The following ANXA7 variants were observed in gnomAD, a reference collection of about 807,000 sequenced individuals.
The protein encoded by ANXA7 is annexin A7, also known as annexin VII.
A neutral mutation model predicts 64.9 loss-of-function variants in ANXA7; 55 were observed. That is an observed-to-expected ratio of 0.85 (90% CI 0.68 to 1.06). The LOEUF is 1.06. Among genes scored for constraint, ANXA7 ranks in the 50% least tolerant of loss-of-function variants. The probability of loss-of-function intolerance (pLI) is 0.00; values close to 1 mark genes in which losing one functional copy is unlikely to be tolerated. For missense variants in ANXA7, 548 were observed against 582.1 expected, an observed-to-expected ratio of 0.94 and a Z score of 0.60; for synonymous variants, 200 against 192.4, an observed-to-expected ratio of 1.04 and a Z score of -0.33.
chr10:73,379,255 C>T (rs980900326), intron 11 of ANXA7, among the ~76,000 whole-genome samples: 1 of 152,102 alleles, frequency 6.6e-6, no homozygotes, highest in African/African-American at 2.4e-5. Context: ...CTGTAGCCTC[C>T]CAGACTCAGG....
intron 5 of ANXA7, chr10:73,396,233 A>G: frequency 1.5e-6 from 1 of 676,200 alleles, no homozygotes; most frequent in Non-Finnish European, 2.6e-6. Flanking sequence ...TGGTAAGGGC[A>G]AGGAAGAGGA....
chr10:73,402,372 G>T (rs932599843), intron 1 of ANXA7, among the ~76,000 whole-genome samples: 1 of 147,446 alleles, frequency 6.8e-6, no homozygotes, highest in African/African-American at 2.5e-5. Flanking sequence ...GTGAATTTTT[G>T]TATTTTTTTT....
rs939329255 is a variant in ANXA7, at chr10:73,383,194, A to G, written c.899T>C (p.Leu300Ser). 4.3e-6 allele frequency: 7 copies of G among 1,613,326 alleles called. No individual in the cohort carries two copies. Among genetic ancestry groups the G allele is most frequent in the Non-Finnish European group, 5.1e-6 (6 of 1,179,574 alleles). ...ACTCACCTGGCACATGGACACAAGT[A>G]AACGTTCAAAATGTCCTGATGTATC... ...RSDTSGHFERLLVSMCQGNRD... is the reference protein window; with the variant it reads ...RSDTSGHFERSLVSMCQGNRD... Residue 300 changes from leucine to serine, a missense_variant, in exon 9 of 13, where the codon TTA becomes TCA. Transcript: ENST00000372921.
At position 73,396,554 on chromosome 10, in the gene ANXA7, G is replaced by C; in HGVS notation, c.400C>G (p.Gln134Glu). 1 of 1,611,426 alleles carries C rather than the reference G, an allele frequency of 6.2e-7. No individual in the cohort carries two copies. The highest frequency in any genetic ancestry group is 1.1e-5 in the South Asian group (1 of 90,732). The change falls in exon 5 of 13, where the codon CAG becomes GAG. Residue 134 changes from glutamine (Q) to glutamate (E), a missense_variant. By Grantham distance (29) the Gln-to-Glu change is conservative (BLOSUM62 2). Transcript: ENST00000372921. Reference protein sequence around the residue: ...GGFPGGQMPSQYPGGQPTYPS... With the variant: ...GGFPGGQMPSEYPGGQPTYPS... Reference sequence around the variant, plus strand: ...TAAGTAGGTTGTCCTCCAGGATACTGAGAAGGCATCTGTCCTCCAGGAAAG... The same window carrying C: ...TAAGTAGGTTGTCCTCCAGGATACTCAGAAGGCATCTGTCCTCCAGGAAAG...
chr10:73,387,846 CTTTTTTTTTTTT>C (rs775570274), intron 6 of ANXA7, 63 bp from the exon 7 acceptor site: 4 of 551,322 alleles, frequency 7.3e-6, no homozygotes, highest in South Asian at 4.2e-5. Flanking sequence ...TTGAGGTCAT[CTTTTTTTTTTTT>C]TTTTTTTTTT....
chr10:73,376,299 T>C (rs2055171263), intron 12 of ANXA7, 82 bp from the exon 13 acceptor site: 2 of 1,323,520 alleles, frequency 1.5e-6, no homozygotes, highest in Non-Finnish European at 1.0e-6. Flanking sequence ...TAATAAGATC[T>C]TAATAATAAT....
intron 12 of ANXA7, 131 bp downstream of exon 12, chr10:73,378,777 TACC>T: frequency 1.5e-6 from 1 of 672,714 alleles, no homozygotes; most frequent in South Asian, 1.7e-5. Flanking sequence ...CTGTTCTTTA[TACC>T]ACCTCTTTTA....
chr10:73,398,991 T>C (rs2055619103), intron 2 of ANXA7, among the ~76,000 whole-genome samples: 1 of 152,136 alleles, frequency 6.6e-6, no homozygotes, highest in South Asian at 2.1e-4. Context: ...TCGAACCACA[T>C]GAATGAATAT....
intron 12 of ANXA7, among the ~76,000 whole-genome samples, chr10:73,378,159 G>C (rs1485479945): frequency 6.6e-6 from 1 of 151,710 alleles, no homozygotes; most frequent in Non-Finnish European, 1.5e-5. Context: ...TGGATCACTT[G>C]AGGTCAGGAG....
At chr10:73,404,570 C>T (rs1213412326) in intron 1 of ANXA7, among the ~76,000 whole-genome samples, 2 of 152,034 alleles carry the variant, frequency 1.3e-5, no homozygotes, top group Admixed American at 1.3e-4. Context: ...GGAATTTAGA[C>T]ATAATAAGCA....
At chr10:73,377,399 C>T (rs1210987155) in intron 12 of ANXA7, 1 of 151,546 alleles carries the variant, frequency 6.6e-6, no homozygotes, top group Non-Finnish European at 1.5e-5. Flanking sequence ...GAAACCCAGT[C>T]TCTACTAAAA....
chr10:73,402,798 C>T (rs1188569522), intron 1 of ANXA7, among the ~76,000 whole-genome samples: 1 of 151,896 alleles, frequency 6.6e-6, no homozygotes, highest in African/African-American at 2.4e-5. Context: ...TCCCCATTCC[C>T]CCATTCCATT....
chr10:73,388,237 T>G, intron 6 of ANXA7, 75 bp downstream of exon 6: 4 of 1,108,530 alleles, frequency 3.6e-6, no homozygotes, highest in Non-Finnish European at 5.4e-6. Context: ...CTTGGGTTTA[T>G]GAGATAAGGT....
intron 7 of ANXA7, among the ~76,000 whole-genome samples, chr10:73,386,434 G>GC (rs2055371399): frequency 6.6e-6 from 1 of 152,080 alleles, no homozygotes; most frequent in African/African-American, 2.4e-5. Flanking sequence ...TTGGGGGTGG[G>GC]CCGTGAGATT....
intron 5 of ANXA7, among the ~76,000 whole-genome samples, chr10:73,394,728 G>A (rs950746654): frequency 1.3e-5 from 2 of 152,094 alleles, no homozygotes; most frequent in Non-Finnish European, 2.9e-5. Flanking sequence ...GGGTGGTGGG[G>A]AGGGATAGCA....
chr10:73,395,942 G>T (rs1377757155), intron 5 of ANXA7: 18 of 781,242 alleles, frequency 2.3e-5, no homozygotes, highest in Non-Finnish European at 3.9e-5. Flanking sequence ...ATAGATACAG[G>T]TGAGCCCTTA....
chr10:73,399,220 A>G (rs1225805432), intron 2 of ANXA7, among the ~76,000 whole-genome samples: 2 of 151,866 alleles, frequency 1.3e-5, no homozygotes, highest in Non-Finnish European at 2.9e-5. Flanking sequence ...CGTCCCACCC[A>G]CCCCCTATCC....
intron 5 of ANXA7, among the ~76,000 whole-genome samples, chr10:73,394,492 A>C (rs1252363313): frequency 6.6e-6 from 1 of 152,238 alleles, no homozygotes; most frequent in Non-Finnish European, 1.5e-5. Context: ...CTGGATTAAG[A>C]AAATGTGGCA....
chr10:73,390,703 T>TATATATATATATATATAAAA (rs1218510465), intron 5 of ANXA7, among the ~76,000 whole-genome samples: 3 of 133,430 alleles, frequency 2.2e-5, no homozygotes, highest in Admixed American at 7.3e-5. Context: ...AATATATATA[T>TATATATATATATATATAAAA]ATATATATAT....
Sources: allele counts gnomAD v4.1 joint callset (sites outside exome capture counted in the v4.1 genomes callset), GRCh38; gene constraint gnomAD v4.1.1; transcripts MANE v1.5; gene names NCBI Gene and HGNC (gene_info 2026-07-23, HGNC 2026-07-21).